The following FAM216A variants were observed in gnomAD, a reference collection of about 807,000 sequenced individuals.
FAM216A encodes the protein family with sequence similarity 216 member A.
In FAM216A, 26 loss-of-function variants were observed where a neutral mutation model predicts 37.6. The ratio of observed to expected loss-of-function variants is 0.69; its 90% CI spans 0.51 to 0.96. The LOEUF is 0.96. Ranked by LOEUF, FAM216A falls within the 40% of genes least tolerant of loss-of-function variation. The pLI is 0.00. For missense variants in FAM216A, 326 were observed against 339.3 expected, an observed-to-expected ratio of 0.96 and a Z score of 0.31; for synonymous variants, 110 against 121.7, an observed-to-expected ratio of 0.90 and a Z score of 0.64.
At chr12:110,478,691 G>A (rs1226857965) in intron 2 of FAM216A, among the ~76,000 whole-genome samples, 1 of 152,116 alleles carries the variant, frequency 6.6e-6, no homozygotes, top group Non-Finnish European at 1.5e-5. Context: ...ACAGGCTCCA[G>A]GCACCCCAGT....
In FAM216A at chr12:110,468,995, C is replaced by T; in HGVS notation, c.120C>T (p.Ala40=). The change falls in exon 1 of 7, where the codon GCC becomes GCT. Residue 40 remains alanine (A), a synonymous_variant. Coordinates refer to ENST00000377673, the MANE Select transcript of FAM216A (RefSeq NM_013300.3). The part of the protein sequence containing the change: ...RSSSAEPPAV[A]GTEGGGGGSA... ...CTTCTGCAGAGCCGCCCGCTGTGGC[C>T]GGGACCGAGGGTGGCGGCGGCGGGT... is the stretch of plus-strand genomic sequence containing the variant. 3 of 1,494,674 alleles carry T rather than the reference C, an allele frequency of 2.0e-6. No individual in the cohort carries two copies. Among genetic ancestry groups the T allele is most frequent in the Non-Finnish European group, 1.8e-6 (2 of 1,122,982 alleles). The allele number at this position is 1,494,674 out of a possible 1,614,324, so 92.6% of individuals were successfully genotyped here. A position where few individuals can be genotyped will look rare whatever the true frequency, so the allele number is the denominator to read the frequency against.
At chr12:110,472,871 G>T (rs2135541496) in intron 1 of FAM216A, among the ~76,000 whole-genome samples, 1 of 149,992 alleles carries the variant, frequency 6.7e-6, no homozygotes, top group South Asian at 2.1e-4. Flanking sequence ...AGCTACCTGG[G>T]AGGCTGAGGT....
chr12:110,483,041 C>T (rs929089400), intron 2 of FAM216A, among the ~76,000 whole-genome samples: 8 of 151,356 alleles, frequency 5.3e-5, no homozygotes, highest in Admixed American at 3.9e-4. Flanking sequence ...AGAGACATTT[C>T]GGGGCCAGGC....
At chr12:110,470,969 T>C (rs1462066157) in intron 1 of FAM216A, among the ~76,000 whole-genome samples, 1 of 152,184 alleles carries the variant, frequency 6.6e-6, no homozygotes, top group African/African-American at 2.4e-5. Context: ...TGCTACATGA[T>C]ACAATGTTGG....
At chr12:110,473,330 G>A (rs1267829468) in intron 2 of FAM216A, among the ~76,000 whole-genome samples, 1 of 152,020 alleles carries the variant, frequency 6.6e-6, no homozygotes, top group African/African-American at 2.4e-5. Context: ...TCCTGCCTCA[G>A]CCTCCTGAGT....
At chr12:110,470,584 TCTC>T (rs1398917761) in intron 1 of FAM216A, among the ~76,000 whole-genome samples, 2 of 151,654 alleles carry the variant, frequency 1.3e-5, no homozygotes, top group African/African-American at 4.8e-5. Context: ...TTCAAGCAAT[TCTC>T]CTGCCTCAGC....
intron 1 of FAM216A, among the ~76,000 whole-genome samples, chr12:110,470,451 C>T (rs1021923088): frequency 1.4e-4 from 21 of 150,448 alleles, no homozygotes; most frequent in Non-Finnish European, 1.2e-4. Flanking sequence ...ACTGCAGGAT[C>T]CTGGTGTATC....
chr12:110,486,550 C>A lies in FAM216A; in HGVS notation c.453C>A (p.His151Gln), dbSNP rs2062777805. The A allele has an allele frequency of 3.7e-6, 6 of 1,613,404 alleles. No individual in the cohort carries two copies. Among genetic ancestry groups the A allele is most frequent in the Non-Finnish European group, 5.1e-6 (6 of 1,179,496 alleles). ...SSQKPGVLTHHRSRLSSRYSQ... is the reference protein window; with the variant it reads ...SSQKPGVLTHQRSRLSSRYSQ... The stretch of plus-strand genomic sequence containing the variant: ...GTATCACAGGTGTCCTCACTCATCA[C>A]AGAAGCCGCCTTAGCTCCCGTTACT... Residue 151 changes from histidine to glutamine, a missense_variant, in exon 5 of 7, where the codon CAC (histidine) becomes CAA (glutamine). Coordinates refer to ENST00000377673, the MANE Select transcript of FAM216A (RefSeq NM_013300.3).
chr12:110,487,141 T>C (rs1431610637), intron 5 of FAM216A: 2 of 154,446 alleles, frequency 1.3e-5, no homozygotes, highest in Non-Finnish European at 2.9e-5. Context: ...AGAGATACTT[T>C]TTTTTTTTTT....
At chr12:110,469,629 C>T (rs947477309) in intron 1 of FAM216A, among the ~76,000 whole-genome samples, 5 of 152,070 alleles carry the variant, frequency 3.3e-5, no homozygotes, top group Non-Finnish European at 7.4e-5. Context: ...CCTGCCTCAG[C>T]CTCCCGAGTA....
chr12:110,478,330 C>T (rs904447724), intron 2 of FAM216A, among the ~76,000 whole-genome samples: 1 of 152,160 alleles, frequency 6.6e-6, no homozygotes, highest in African/African-American at 2.4e-5. Context: ...GCCATTTCTC[C>T]AAAGAGCCTG....
intron 1 of FAM216A, 57 bp downstream of exon 1, chr12:110,469,075 C>A (rs7963504): frequency 0.091 from 125,407 of 1,372,062 alleles, 6,421 homozygotes; most frequent in African/African-American, 0.19. Flanking sequence ...GGTCGTGAGG[C>A]CCCCGGGTCG....
At chr12:110,477,031 C>A (rs1231125156) in intron 2 of FAM216A, among the ~76,000 whole-genome samples, 2 of 152,172 alleles carry the variant, frequency 1.3e-5, no homozygotes, top group African/African-American at 4.8e-5. Flanking sequence ...CAGGCCTGTT[C>A]TTTTGTAGAA....
At chr12:110,474,678 C>G (rs1201311526) in intron 2 of FAM216A, among the ~76,000 whole-genome samples, 1 of 109,920 alleles carries the variant, frequency 9.1e-6, no homozygotes, top group Non-Finnish European at 1.7e-5. Flanking sequence ...GGCGACAGAG[C>G]GAGACTCTGT....
chr12:110,471,374 T>C (rs60439011), intron 1 of FAM216A, among the ~76,000 whole-genome samples: 21,804 of 152,158 alleles, frequency 0.14, 2,156 homozygotes, highest in African/African-American at 0.28. Context: ...AGGCGGGAGC[T>C]ACCGTGCCCA....
intron 1 of FAM216A, among the ~76,000 whole-genome samples, chr12:110,470,635 G>A (rs1279650000): frequency 6.6e-6 from 1 of 151,866 alleles, no homozygotes; most frequent in African/African-American, 2.4e-5. Flanking sequence ...GCGCCACCAC[G>A]TACCTGGCTA....
At chr12:110,484,112 T>TA (rs1057108179) in intron 2 of FAM216A, among the ~76,000 whole-genome samples, 1 of 149,248 alleles carries the variant, frequency 6.7e-6, no homozygotes, top group Non-Finnish European at 1.5e-5. Flanking sequence ...TCCCATCTCT[T>TA]AAAAAAAGAT....
chr12:110,468,879 C>T lies in FAM216A; in HGVS notation c.4C>T (p.Leu2=), dbSNP rs1349863000. The change falls in exon 1 of 7, where the codon CTG becomes TTG. Residue 2 remains leucine (L), a synonymous_variant. Coordinates refer to ENST00000377673, the MANE Select transcript of FAM216A (RefSeq NM_013300.3). M[L]GQLLPHTARG... ...CACGCGTGCTGTCGGGGGAGGGATG[C>T]TGGGACAGCTGCTCCCGCACACGGC... 6.6e-7 allele frequency: 1 copy of T among 1,508,788 alleles called. No individual in the cohort carries two copies. The allele number at this position is 1,508,788 out of a possible 1,614,324, so 93.5% of individuals were successfully genotyped here. A position where few individuals can be genotyped will look rare whatever the true frequency, so the allele number is the denominator to read the frequency against.
At chr12:110,472,732 C>G (rs749722508) in intron 1 of FAM216A, among the ~76,000 whole-genome samples, 1 of 152,052 alleles carries the variant, frequency 6.6e-6, no homozygotes, top group South Asian at 2.1e-4. Flanking sequence ...CACCTTTAAT[C>G]CCATCACTTT....
Sources: gnomAD v4.1 joint callset for allele counts (sites outside exome capture counted in the v4.1 genomes callset) on GRCh38, gnomAD v4.1.1 for gene constraint, MANE v1.5 for transcripts, NCBI Gene and HGNC (gene_info 2026-07-23, HGNC 2026-07-21) for gene names.